The following KALRN variants were observed in gnomAD, a reference collection of about 807,000 sequenced individuals.
The protein encoded by KALRN is kalirin.
In KALRN, 70 loss-of-function variants were observed where a neutral mutation model predicts 353.7. The ratio of observed to expected loss-of-function variants is 0.20; its 90% CI spans 0.16 to 0.24. The LOEUF is 0.24. KALRN is among the 10% of genes least tolerant of loss of function. KALRN has a pLI of 1.00. For missense variants in KALRN, 2,791 were observed against 3,756.7 expected, an observed-to-expected ratio of 0.74 and a Z score of 6.72; for synonymous variants, 1,391 against 1,434.8, an observed-to-expected ratio of 0.97 and a Z score of 0.69.
intron 33 of KALRN, chr3:124,505,048 G>T (rs1422962649): frequency 2.1e-6 from 1 of 467,434 alleles, no homozygotes; most frequent in South Asian, 1.6e-5. Context: ...GAGCCTGCAG[G>T]TAGAGAAGTG....
At chr3:124,620,481 C>A (rs2079145180) in intron 34 of KALRN, among the ~76,000 whole-genome samples, 1 of 152,152 alleles carries the variant, frequency 6.6e-6, no homozygotes, top group African/African-American at 2.4e-5. Context: ...AATGTGTGTT[C>A]CCTCTCCAGA....
At chr3:124,668,587 C>T (rs986382173) in intron 47 of KALRN, among the ~76,000 whole-genome samples, 2 of 152,192 alleles carry the variant, frequency 1.3e-5, no homozygotes, top group Non-Finnish European at 2.9e-5. Context: ...TAAGATAGAA[C>T]ATGAGACTTC....
intron 34 of KALRN, among the ~76,000 whole-genome samples, chr3:124,624,899 G>A (rs1231916516): frequency 6.6e-6 from 1 of 152,148 alleles, no homozygotes; most frequent in Non-Finnish European, 1.5e-5. Context: ...GGTGGCAACT[G>A]GTAGTATTAG....
At chr3:124,223,621 A>T (rs2078161389) in intron 1 of KALRN, among the ~76,000 whole-genome samples, 1 of 152,104 alleles carries the variant, frequency 6.6e-6, no homozygotes, top group African/African-American at 2.4e-5. Context: ...ATAAACGCCC[A>T]CTCTGTTGTT....
chr3:124,317,962 C>G (rs2149350701), intron 6 of KALRN, among the ~76,000 whole-genome samples: 1 of 152,232 alleles, frequency 6.6e-6, no homozygotes, highest in Middle Eastern at 3.4e-3. Context: ...ATGCCTCATA[C>G]AAAAACATTT....
At chr3:124,606,256 T>C (rs566023335) in intron 34 of KALRN, among the ~76,000 whole-genome samples, 1 of 152,326 alleles carries the variant, frequency 6.6e-6, no homozygotes, top group Admixed American at 6.5e-5. Flanking sequence ...TTTGGGGCAT[T>C]CCTTTGGCCT....
intron 1 of KALRN, among the ~76,000 whole-genome samples, chr3:124,199,158 T>C (rs1579284350): frequency 1.3e-5 from 2 of 152,378 alleles, no homozygotes; most frequent in Admixed American, 6.5e-5. Context: ...GGAGCATTGA[T>C]ACTGCAGTGC....
intron 1 of KALRN, among the ~76,000 whole-genome samples, chr3:124,039,327 G>C (rs1395854724): frequency 6.6e-6 from 1 of 152,152 alleles, no homozygotes; most frequent in African/African-American, 2.4e-5. Context: ...CTCACTGTCT[G>C]TACTCATTTT....
At position 124,723,489 on chromosome 3, in the gene KALRN, GA is replaced by G. The variant is rs2063383665; in HGVS notation, c.*4020del. The G allele has an allele frequency of 6.6e-6, 1 of 152,104 alleles. No individual in the cohort carries two copies. Among genetic ancestry groups the G allele is most frequent in the African/African-American group, 2.4e-5 (1 of 41,410 alleles). The allele number at this position is 152,104 out of a possible 1,614,324, so 9.4% of individuals were successfully genotyped here. The stretch of plus-strand genomic sequence containing the variant: ...GGTGGGGACATCTATAAAATACTTT[GA>G]TTTTTTTAAGTGCTACACACTGCCA... On this transcript the variant is annotated 3_prime_UTR_variant, in exon 60 of 60. Transcript: ENST00000682506.
intron 27 of KALRN, among the ~76,000 whole-genome samples, chr3:124,477,541 C>T (rs889746324): frequency 3.3e-5 from 5 of 152,238 alleles, no homozygotes; most frequent in African/African-American, 4.8e-5. Flanking sequence ...TGATTTTGTA[C>T]GAGGCAAATT....
chr3:124,156,687 C>T (rs1380116517), intron 1 of KALRN, among the ~76,000 whole-genome samples: 1 of 152,194 alleles, frequency 6.6e-6, no homozygotes, highest in Admixed American at 6.5e-5. Flanking sequence ...CAAAGCAGTG[C>T]ACTTGTCAAG....
At chr3:124,415,227 C>T (rs2092430192) in intron 14 of KALRN, among the ~76,000 whole-genome samples, 1 of 152,188 alleles carries the variant, frequency 6.6e-6, no homozygotes, top group South Asian at 2.1e-4. Context: ...AATGACAGTG[C>T]CCAGGCCCCA....
At chr3:124,083,499 C>T (rs996079135) in intron 1 of KALRN, among the ~76,000 whole-genome samples, 8 of 152,116 alleles carry the variant, frequency 5.3e-5, no homozygotes, top group African/African-American at 1.4e-4. Context: ...AGCATGGAAA[C>T]GTGAAGGCTG....
chr3:124,220,061 C>G (rs1420759535), intron 1 of KALRN, among the ~76,000 whole-genome samples: 1 of 152,094 alleles, frequency 6.6e-6, no homozygotes. Context: ...TCTCCTGCCT[C>G]AGCCTCCCGA....
At chr3:124,498,822 T>C (rs4677929) in intron 33 of KALRN, among the ~76,000 whole-genome samples, 77,290 of 151,744 alleles carry the variant, frequency 0.51, 20,106 homozygotes, top group African/African-American at 0.59. Context: ...TTTCTTCTTC[T>C]GTTAAATCAC....
intron 6 of KALRN, among the ~76,000 whole-genome samples, chr3:124,322,741 C>G (rs953506299): frequency 2.0e-5 from 3 of 152,222 alleles, no homozygotes; most frequent in Non-Finnish European, 4.4e-5. Flanking sequence ...TCTTTAACCT[C>G]ATTCTTTCCT....
At chr3:124,277,247 G>T (rs1388276090) in intron 5 of KALRN, among the ~76,000 whole-genome samples, 1 of 152,174 alleles carries the variant, frequency 6.6e-6, no homozygotes, top group Non-Finnish European at 1.5e-5. Flanking sequence ...CCTTCGGGTT[G>T]GCCAGAAGGG....
rs940922685 is a variant in KALRN at position 124,720,815 on chromosome 3, G to T, written c.*1345G>T. The stretch of plus-strand genomic sequence containing the variant: ...AAAATTAAACCTGGGCATTTCATGG[G>T]TTTTCTTTCTTTATTTTTGTTCATT... On this transcript the variant is annotated 3_prime_UTR_variant, in exon 60 of 60. Coordinates refer to ENST00000682506, the MANE Select transcript of KALRN (RefSeq NM_001388419.1). 1 of 152,110 alleles carries T rather than the reference G, an allele frequency of 6.6e-6. No individual in the cohort carries two copies. The highest frequency in any genetic ancestry group is 1.5e-5 in the Non-Finnish European group (1 of 68,032). 9.4% of individuals were successfully genotyped at this position (152,110 alleles called of 1,614,324 possible).
At chr3:124,483,630 AGGCCAGGGT>A (rs924784249) in intron 28 of KALRN, among the ~76,000 whole-genome samples, 1 of 152,188 alleles carries the variant, frequency 6.6e-6, no homozygotes, top group African/African-American at 2.4e-5. Context: ...TGGGTAGTCG[AGGCCAGGGT>A]GGCACCTACC....
Sources: gnomAD v4.1 joint callset for allele counts (sites outside exome capture counted in the v4.1 genomes callset) on GRCh38, gnomAD v4.1.1 for gene constraint, MANE v1.5 for transcripts, NCBI Gene and HGNC (gene_info 2026-07-23, HGNC 2026-07-21) for gene names.